Variants in ARB2A observed in about 807,000 individuals in gnomAD.
ARB2A encodes ARB2 cotranscriptional regulator A.
chr5:93,871,298 A>G, the ARB2A span, among the ~76,000 whole-genome samples: 3 of 152,224 alleles, frequency 2.0e-5, no homozygotes, highest in Admixed American at 6.5e-5. Flanking sequence ...AAGTGAAACA[A>G]TATTTTCCAA....
chr5:94,024,442 T>G, the ARB2A span, among the ~76,000 whole-genome samples: 5 of 152,110 alleles, frequency 3.3e-5, no homozygotes, highest in Non-Finnish European at 7.4e-5. Flanking sequence ...ATACATGTCT[T>G]TATGAATGTG....
At chr5:93,681,811 A>C in the ARB2A span, among the ~76,000 whole-genome samples, 1 of 152,186 alleles carries the variant, frequency 6.6e-6, no homozygotes, top group African/African-American at 2.4e-5. Context: ...ATGACAAAGT[A>C]AAAATAAGAA....
the ARB2A span, among the ~76,000 whole-genome samples, chr5:93,912,477 T>C: frequency 6.6e-6 from 1 of 151,740 alleles, no homozygotes; most frequent in East Asian, 1.9e-4. Context: ...CTCCACTGTA[T>C]AGCTAGTTTC....
At chr5:93,932,613 A>G in the ARB2A span, among the ~76,000 whole-genome samples, 4 of 152,302 alleles carry the variant, frequency 2.6e-5, no homozygotes, top group African/African-American at 9.6e-5. Context: ...ATTTAAACTG[A>G]TTTTCCACAA....
the ARB2A span, chr5:93,620,933 G>A: frequency 4.4e-6 from 7 of 1,592,902 alleles, no homozygotes; most frequent in African/African-American, 9.5e-5. Flanking sequence ...CAAGCAGTGA[G>A]GAGGCGTGCG....
chr5:93,745,783 T>A, the ARB2A span, among the ~76,000 whole-genome samples: 2 of 151,992 alleles, frequency 1.3e-5, no homozygotes, highest in African/African-American at 4.8e-5. Flanking sequence ...ATGGTGCTGA[T>A]CTTTATCGTC....
At chr5:94,103,564 A>G in the ARB2A span, among the ~76,000 whole-genome samples, 14 of 152,098 alleles carry the variant, frequency 9.2e-5, no homozygotes, top group African/African-American at 3.1e-4. Context: ...CCACACGATA[A>G]TAGTGGAAGA....
chr5:93,848,718 C>T, the ARB2A span, among the ~76,000 whole-genome samples: 3 of 152,106 alleles, frequency 2.0e-5, no homozygotes, highest in African/African-American at 7.2e-5. Context: ...TAGGCAATCT[C>T]AATTTTAGGA....
chr5:94,039,646 T>G, the ARB2A span, among the ~76,000 whole-genome samples: 1 of 152,154 alleles, frequency 6.6e-6, no homozygotes, highest in African/African-American at 2.4e-5. Context: ...AATAAACTTG[T>G]TTTCACTTTA....
the ARB2A span, among the ~76,000 whole-genome samples, chr5:94,077,727 G>C: frequency 6.6e-6 from 1 of 152,174 alleles, no homozygotes; most frequent in African/African-American, 2.4e-5. Flanking sequence ...AGGTTATAGA[G>C]AATAAAGCGG....
the ARB2A span, among the ~76,000 whole-genome samples, chr5:93,842,368 C>G: frequency 1.3e-5 from 2 of 152,142 alleles, no homozygotes; most frequent in African/African-American, 4.8e-5. Flanking sequence ...GTCAGTCTGG[C>G]CTACCAGTCT....
the ARB2A span, among the ~76,000 whole-genome samples, chr5:93,804,225 T>C: frequency 6.6e-6 from 1 of 151,958 alleles, no homozygotes; most frequent in Admixed American, 6.6e-5. Flanking sequence ...AATGACAGGA[T>C]TCTCATAAAA....
chr5:93,956,304 G>GTCC, the ARB2A span, among the ~76,000 whole-genome samples: 1 of 152,130 alleles, frequency 6.6e-6, no homozygotes, highest in Non-Finnish European at 1.5e-5. Flanking sequence ...TATTCACCAT[G>GTCC]TCCTCCTTTC....
At chr5:93,826,523 C>T in the ARB2A span, among the ~76,000 whole-genome samples, 1 of 152,128 alleles carries the variant, frequency 6.6e-6, no homozygotes, top group Non-Finnish European at 1.5e-5. Context: ...GTAAGAACCT[C>T]TACAAATCTG....
At chr5:93,745,791 G>A in the ARB2A span, among the ~76,000 whole-genome samples, 12 of 152,014 alleles carry the variant, frequency 7.9e-5, no homozygotes, top group African/African-American at 2.2e-4. Flanking sequence ...GATCTTTATC[G>A]TCTCCCCACT....
At chr5:93,994,587 G>C in the ARB2A span, among the ~76,000 whole-genome samples, 1 of 152,128 alleles carries the variant, frequency 6.6e-6, no homozygotes, top group African/African-American at 2.4e-5. Flanking sequence ...AAACTGTATA[G>C]GTTCACTTAT....
chr5:93,626,295 A>T, the ARB2A span, among the ~76,000 whole-genome samples: 8 of 152,254 alleles, frequency 5.3e-5, no homozygotes, highest in Non-Finnish European at 8.8e-5. Context: ...ACATGCATAC[A>T]CACATACTAA....
At chr5:93,975,484 T>C in the ARB2A span, among the ~76,000 whole-genome samples, 7 of 151,654 alleles carry the variant, frequency 4.6e-5, no homozygotes, top group African/African-American at 1.7e-4. Context: ...CAAAAAACCA[T>C]CCAAATGATC....
chr5:93,802,689 T>C, the ARB2A span, among the ~76,000 whole-genome samples: 2 of 152,104 alleles, frequency 1.3e-5, no homozygotes, highest in Admixed American at 6.6e-5. Flanking sequence ...AGGATGAAGA[T>C]GCAAATGCAA....
Sources: gnomAD v4.1 joint callset for allele counts (sites outside exome capture counted in the v4.1 genomes callset) on GRCh38, gnomAD v4.1.1 for gene constraint, MANE v1.5 for transcripts, NCBI Gene and HGNC (gene_info 2026-07-23, HGNC 2026-07-21) for gene names.